The following ESYT2 variants were observed in gnomAD, a reference collection of about 807,000 sequenced individuals.
The protein encoded by ESYT2 is extended synaptotagmin-2.
ESYT2 carries 54 observed loss-of-function variants against 107.2 expected under a neutral mutation model. The observed-to-expected ratio is 0.50, with a 90% CI of 0.40 to 0.63. ESYT2 has a LOEUF of 0.63. ESYT2 is among the 30% of genes least tolerant of loss of function. The pLI, the probability that ESYT2 is intolerant of heterozygous loss-of-function variation, is 0.00. For synonymous variants in ESYT2, 491 were observed against 434.1 expected, an observed-to-expected ratio of 1.13 and a Z score of -1.63; for missense variants, 1,020 against 1,094.5, an observed-to-expected ratio of 0.93 and a Z score of 0.96.
intron 6 of ESYT2, among the ~76,000 whole-genome samples, chr7:158,785,166 T>C (rs901682475): frequency 6.6e-6 from 1 of 152,186 alleles, no homozygotes; most frequent in Non-Finnish European, 1.5e-5. Context: ...CTCACGCCTG[T>C]AATCCCAGTA....
intron 1 of ESYT2, among the ~76,000 whole-genome samples, chr7:158,827,977 G>C (rs1318380221): frequency 6.6e-6 from 1 of 152,162 alleles, no homozygotes; most frequent in East Asian, 1.9e-4. Flanking sequence ...ACGAGGTAGA[G>C]AACTGCCGGG....
At chr7:158,815,714 A>G (rs1201303790) in intron 1 of ESYT2, among the ~76,000 whole-genome samples, 2 of 151,690 alleles carry the variant, frequency 1.3e-5, no homozygotes. Context: ...TCCTCATCCC[A>G]CCTCTGAAAG....
intron 1 of ESYT2, among the ~76,000 whole-genome samples, chr7:158,799,810 G>A (rs1049002663): frequency 1.3e-5 from 2 of 152,166 alleles, no homozygotes; most frequent in South Asian, 2.1e-4. Flanking sequence ...CCTGGATACT[G>A]GAGAAGGGTT....
rs73519564 is a variant in ESYT2, at chr7:158,771,792, T to C, written c.803+1549A>G. On this transcript the variant is annotated intron_variant, in intron 7 of 22. Coordinates refer to ENST00000275418, the MANE Select transcript of ESYT2 (RefSeq NM_001367773.1). ...GCTCAGAGCAGGCAGTGGGCGCCCA[T>C]TGTTGGAAGAGTGAATAAACTGCTT... is the stretch of plus-strand genomic sequence containing the variant. Among the ~76,000 whole-genome samples the C allele has an allele frequency of 9.3e-3, 1,412 of 152,186 alleles. 18 individuals carry two copies. Among genetic ancestry groups the C allele is most frequent in the African/African-American group, 0.03 (1,261 of 41,516 alleles).
chr7:158,737,915 T>TA (rs1440669431), intron 19 of ESYT2, among the ~76,000 whole-genome samples: 2 of 152,200 alleles, frequency 1.3e-5, no homozygotes, highest in African/African-American at 2.4e-5. Flanking sequence ...CAAATGCAAT[T>TA]AATGCAACAG....
chr7:158,758,934 G>A (rs752596264), intron 13 of ESYT2, among the ~76,000 whole-genome samples: 2 of 152,152 alleles, frequency 1.3e-5, no homozygotes, highest in Non-Finnish European at 2.9e-5. Flanking sequence ...ATGCTTCTAG[G>A]CACAGAGTGT....
At chr7:158,793,576 TCCA>T in intron 4 of ESYT2, 71 bp downstream of exon 4, 1 of 1,106,264 alleles carries the variant, frequency 9.0e-7, no homozygotes, top group Non-Finnish European at 1.4e-6. Context: ...CACTGTATCC[TCCA>T]CCTTACAGGT....
chr7:158,734,596 C>T (rs527992777), intron 21 of ESYT2, 125 bp from the exon 22 acceptor site: 2 of 813,042 alleles, frequency 2.5e-6, no homozygotes, highest in South Asian at 3.5e-5. Flanking sequence ...TGAGACCAGC[C>T]TGGGCAAGAT....
intron 2 of ESYT2, among the ~76,000 whole-genome samples, 162 bp from the exon 3 acceptor site, chr7:158,798,238 A>C (rs1192230251): frequency 6.6e-6 from 1 of 152,240 alleles, no homozygotes; most frequent in Non-Finnish European, 1.5e-5. Flanking sequence ...AATTCTAAAA[A>C]GTTATTAGAA....
intron 16 of ESYT2, among the ~76,000 whole-genome samples, chr7:158,746,109 G>A (rs1480426139): frequency 1.3e-5 from 2 of 152,118 alleles, no homozygotes; most frequent in Non-Finnish European, 2.9e-5. Context: ...GGCCAGGCAT[G>A]ATGGCTCACG....
intron 11 of ESYT2, among the ~76,000 whole-genome samples, chr7:158,761,097 G>T (rs548675302): frequency 6.6e-6 from 1 of 152,112 alleles, no homozygotes; most frequent in African/African-American, 2.4e-5. Context: ...CATCTCTCAC[G>T]TGAGATGCCT....
chr7:158,788,850 C>G (rs918539076), intron 4 of ESYT2, among the ~76,000 whole-genome samples: 4 of 152,290 alleles, frequency 2.6e-5, no homozygotes, highest in African/African-American at 9.6e-5. Flanking sequence ...AAATTTCACA[C>G]CTTGCTTCCC....
chr7:158,746,107 A>G (rs1837390965), intron 16 of ESYT2, among the ~76,000 whole-genome samples: 1 of 152,182 alleles, frequency 6.6e-6, no homozygotes, highest in Admixed American at 6.5e-5. Context: ...CAGGCCAGGC[A>G]TGATGGCTCA....
At chr7:158,801,678 T>C (rs1190315063) in intron 1 of ESYT2, among the ~76,000 whole-genome samples, 4 of 152,138 alleles carry the variant, frequency 2.6e-5, no homozygotes, top group African/African-American at 9.7e-5. Context: ...GTTCTAATTA[T>C]AAAACAAATT....
chr7:158,827,802 GCTGGTCAC>G (rs1840499399), intron 1 of ESYT2, among the ~76,000 whole-genome samples: 1 of 152,134 alleles, frequency 6.6e-6, no homozygotes, highest in Non-Finnish European at 1.5e-5. Flanking sequence ...GAAACCCACT[GCTGGTCAC>G]CTTCACCCCA....
intron 1 of ESYT2, among the ~76,000 whole-genome samples, chr7:158,812,256 A>G (rs1385869842): frequency 6.6e-6 from 1 of 152,206 alleles, no homozygotes; most frequent in African/African-American, 2.4e-5. Context: ...CTTCGCCGAG[A>G]CTGCTAAGTT....
chr7:158,800,544 T>G (rs1839605764), intron 1 of ESYT2, among the ~76,000 whole-genome samples: 1 of 152,194 alleles, frequency 6.6e-6, no homozygotes, highest in African/African-American at 2.4e-5. Flanking sequence ...TACAGGCATG[T>G]GCCAACTGGC....
At chr7:158,777,697 C>T (rs1255444648) in intron 6 of ESYT2, among the ~76,000 whole-genome samples, 2 of 152,012 alleles carry the variant, frequency 1.3e-5, no homozygotes, top group African/African-American at 2.4e-5. Context: ...CTTTATAACC[C>T]CCCTTTCTTC....
At chr7:158,773,459 A>C in intron 6 of ESYT2, 63 bp from the exon 7 acceptor site, 1 of 1,538,360 alleles carries the variant, frequency 6.5e-7, no homozygotes, top group Admixed American at 1.7e-5. Flanking sequence ...AATCAGGTGC[A>C]CACAGGCTTG....
Sources: gnomAD v4.1 joint callset for allele counts (sites outside exome capture counted in the v4.1 genomes callset) on GRCh38, gnomAD v4.1.1 for gene constraint, MANE v1.5 for transcripts, NCBI Gene and HGNC (gene_info 2026-07-23, HGNC 2026-07-21) for gene names.